Variants in MECOM observed in about 807,000 individuals in gnomAD.
The protein encoded by MECOM is MDS1 and EVI1 complex locus, also known as histone-lysine N-methyltransferase MECOM.
MECOM carries 13 observed loss-of-function variants against 116.3 expected under a neutral mutation model. That is an observed-to-expected ratio of 0.11 (90% confidence interval 0.07 to 0.18). The LOEUF (loss-of-function observed/expected upper bound fraction) is 0.18, where lower values mean the gene tolerates loss of function less well. Among genes scored for constraint, MECOM ranks in the 10% least tolerant of loss-of-function variants. MECOM has a pLI of 1.00. For synonymous variants in MECOM, 528 were observed against 535.2 expected (o/e 0.99, Z 0.19); for missense variants, 1,299 against 1,509.0 (o/e 0.86, Z 2.31).
intron 3 of MECOM, among the ~76,000 whole-genome samples, chr3:169,140,406 A>G (rs1410750450): frequency 2.0e-5 from 3 of 152,110 alleles, no homozygotes; most frequent in Admixed American, 1.3e-4. Context: ...CTGTGACTCA[A>G]TTGACTAGTG....
intron 2 of MECOM, among the ~76,000 whole-genome samples, chr3:169,357,235 T>G (rs565203745): frequency 6.6e-6 from 1 of 152,028 alleles, no homozygotes; most frequent in African/African-American, 2.4e-5. Context: ...GTGGCTAACA[T>G]TCATTAAAGT....
At chr3:169,360,650 C>T (rs1332080552) in intron 2 of MECOM, among the ~76,000 whole-genome samples, 1 of 151,752 alleles carries the variant, frequency 6.6e-6, no homozygotes, top group African/African-American at 2.4e-5. Flanking sequence ...CAGCCATTCT[C>T]ATTTAACAGG....
chr3:169,286,678 C>T lies in MECOM; in HGVS notation c.375+94509G>A, dbSNP rs183070464. Among the ~76,000 whole-genome samples the T allele has an allele frequency of 2.0e-5, 3 of 152,226 alleles. No individual in the cohort carries two copies. In the East Asian group the frequency reaches 5.8e-4, roughly 29 times the overall value. On this transcript the variant is annotated intron_variant, in intron 2 of 16. Coordinates refer to ENST00000651503, the MANE Select transcript of MECOM (RefSeq NM_004991.4). ...GAAAGGATTGTTGCTATATGATCAA[C>T]GTATTAGGTTGTGTTGTTATAGGTA...
intron 1 of MECOM, among the ~76,000 whole-genome samples, chr3:169,448,932 T>A (rs1348189870): frequency 6.6e-6 from 1 of 152,142 alleles, no homozygotes; most frequent in Non-Finnish European, 1.5e-5. Flanking sequence ...TTTTGACACC[T>A]CCATACCATG....
At chr3:169,295,158 G>C (rs1376663609) in intron 2 of MECOM, among the ~76,000 whole-genome samples, 1 of 152,130 alleles carries the variant, frequency 6.6e-6, no homozygotes, top group Non-Finnish European at 1.5e-5. Context: ...CTTTGGCTTT[G>C]AACCTCCTGT....
chr3:169,657,264 G>C (rs1029140128), intron 1 of MECOM, among the ~76,000 whole-genome samples: 2 of 152,194 alleles, frequency 1.3e-5, no homozygotes, highest in African/African-American at 4.8e-5. Flanking sequence ...GAACTTAGTT[G>C]GGGTTTTTAT....
chr3:169,389,192 G>A (rs538612167), intron 1 of MECOM, among the ~76,000 whole-genome samples: 102 of 152,282 alleles, frequency 6.7e-4, no homozygotes, highest in African/African-American at 2.1e-3. Flanking sequence ...AATGGGCTTC[G>A]CCTCTTCCAA....
Position 169,611,128 on chromosome 3 carries a change from G to A in MECOM, c.37+52208C>T, listed in dbSNP as rs981492081. Among the ~76,000 whole-genome samples the A allele has an allele frequency of 3.3e-5, 5 of 152,166 alleles. No individual in the cohort carries two copies. The highest frequency in any genetic ancestry group is 6.5e-5 in the Admixed American group (1 of 15,284). On this transcript the variant is annotated intron_variant, in intron 1 of 16. Transcript: ENST00000651503. The surrounding 1 kb of genome is among the most constrained non-coding windows in gnomAD (Gnocchi z 4.1). ...TTTTTGTTGATACTGCTGCTGCTGC[G>A]GTTTTTAACACATGCTTCAGGTGGT... is the stretch of plus-strand genomic sequence containing the variant.
intron 2 of MECOM, among the ~76,000 whole-genome samples, chr3:169,230,132 T>G (rs1753195732): frequency 6.6e-6 from 1 of 152,168 alleles, no homozygotes; most frequent in Non-Finnish European, 1.5e-5. Context: ...GGCAGCTACC[T>G]CTTCTCATAA....
intron 2 of MECOM, among the ~76,000 whole-genome samples, chr3:169,180,694 C>A (rs1382205381): frequency 6.6e-6 from 1 of 150,770 alleles, no homozygotes. Context: ...TTCATTTTGA[C>A]CACAGACTTG....
chr3:169,287,585 C>T lies in MECOM; in HGVS notation c.375+93602G>A, dbSNP rs553257716. Among the ~76,000 whole-genome samples the T allele has an allele frequency of 2.3e-3, 345 of 152,218 alleles. 2 individuals carry two copies. Among genetic ancestry groups the T allele is most frequent in the African/African-American group, 8.0e-3 (333 of 41,538 alleles). On this transcript the variant is annotated intron_variant, in intron 2 of 16. Coordinates refer to ENST00000651503, the MANE Select transcript of MECOM (RefSeq NM_004991.4). The stretch of plus-strand genomic sequence containing the variant: ...TAGAAACAAACATGGGTAGTTGTTA[C>T]TGTGCTGGATTGTAATGTTTACTTG...
intron 1 of MECOM, among the ~76,000 whole-genome samples, chr3:169,499,346 C>CAA (rs60302997): frequency 0.022 from 1,153 of 51,538 alleles, 124 homozygotes; most frequent in African/African-American, 0.046. Context: ...AGATTACCCA[C>CAA]AAAAAAAAAA....
At chr3:169,380,202 G>A (rs147397162) in intron 2 of MECOM, among the ~76,000 whole-genome samples, 164 of 152,112 alleles carry the variant, frequency 1.1e-3, no homozygotes, top group African/African-American at 3.6e-3. Context: ...GAAACATACC[G>A]AAATAAATCC....
At position 169,290,465 on chromosome 3, in the gene MECOM, T is replaced by C. The variant is rs1161778726; in HGVS notation, c.375+90722A>G. Among the ~76,000 whole-genome samples the C allele has an allele frequency of 3.9e-5, 6 of 152,106 alleles. 1 individual carries two copies. In the South Asian group the frequency reaches 6.2e-4, roughly 16 times the overall value. On this transcript the variant is annotated intron_variant, in intron 2 of 16. Coordinates refer to ENST00000651503, the MANE Select transcript of MECOM (RefSeq NM_004991.4). ...CGTATATAGAAAAAAAGTGACTTTG[T>C]AGAGACCATGAATGTGCACCCACAG...
intron 1 of MECOM, among the ~76,000 whole-genome samples, chr3:169,501,353 AT>A (rs149440884): frequency 0.11 from 17,340 of 151,518 alleles, 1,058 homozygotes; most frequent in South Asian, 0.14. Flanking sequence ...AGACATCAGA[AT>A]TTTTTTTTAA....
intron 1 of MECOM, among the ~76,000 whole-genome samples, chr3:169,486,491 G>A (rs1317685113): frequency 6.6e-6 from 1 of 151,998 alleles, no homozygotes. Context: ...GAATTAATAT[G>A]ATCAGAATCT....
At chr3:169,375,518 A>T (rs1340600901) in intron 2 of MECOM, among the ~76,000 whole-genome samples, 1 of 152,188 alleles carries the variant, frequency 6.6e-6, no homozygotes, top group African/African-American at 2.4e-5. Flanking sequence ...ATCCCACAGA[A>T]ATACAAACTA....
chr3:169,498,402 A>T lies in MECOM; in HGVS notation c.38-116878T>A, dbSNP rs146065785. On this transcript the variant is annotated intron_variant, in intron 1 of 16. Coordinates refer to ENST00000651503, the MANE Select transcript of MECOM (RefSeq NM_004991.4). ...AAGTGAAACTCTGTCCAAAAGCAAG[A>T]AAGTTTTCATGGACCATAAAAGAAA... is the stretch of plus-strand genomic sequence containing the variant. Among the ~76,000 whole-genome samples the T allele has an allele frequency of 9.3e-4, 142 of 152,318 alleles. 1 individual carries two copies. Among genetic ancestry groups the T allele is most frequent in the African/African-American group, 3.4e-3 (141 of 41,566 alleles).
At chr3:169,229,006 G>C (rs1753069683) in intron 2 of MECOM, among the ~76,000 whole-genome samples, 2 of 152,142 alleles carry the variant, frequency 1.3e-5, no homozygotes, top group South Asian at 4.1e-4. Context: ...AAAAACACTT[G>C]ATAAAATAAT....
Sources: gnomAD v4.1 joint callset for allele counts (sites outside exome capture counted in the v4.1 genomes callset) on GRCh38, gnomAD v4.1.1 for gene constraint, Gnocchi (gnomAD v3.1) non-coding constraint, MANE v1.5 for transcripts, NCBI Gene and HGNC (gene_info 2026-07-23, HGNC 2026-07-21) for gene names.